The following CPVL variants were observed in gnomAD, a reference collection of about 807,000 sequenced individuals.
CPVL encodes the protein carboxypeptidase vitellogenic like, also known as probable serine carboxypeptidase CPVL.
A neutral mutation model predicts 63.7 loss-of-function variants in CPVL; 51 were observed. The ratio of observed to expected loss-of-function variants is 0.80; its 90% CI spans 0.64 to 1.01. The LOEUF is 1.01. CPVL is among the 50% of genes least tolerant of loss of function. The pLI, the probability that CPVL is intolerant of heterozygous loss-of-function variation, is 0.00. For missense variants in CPVL, 530 were observed against 573.1 expected (o/e 0.92, Z 0.77); for synonymous variants, 195 against 206.0 (o/e 0.95, Z 0.46).
chr7:29,025,012 G>T (rs1787353375), intron 12 of CPVL, among the ~76,000 whole-genome samples: 1 of 152,080 alleles, frequency 6.6e-6, no homozygotes, highest in African/African-American at 2.4e-5. Flanking sequence ...CGGAACAAAG[G>T]ATATATAAAA....
chr7:29,080,963 C>T (rs975370983), intron 7 of CPVL, among the ~76,000 whole-genome samples: 1 of 152,224 alleles, frequency 6.6e-6, no homozygotes, highest in Non-Finnish European at 1.5e-5. Context: ...GTTTTAACCA[C>T]ATGCCCTGCT....
intron 1 of CPVL, among the ~76,000 whole-genome samples, chr7:29,121,506 A>G (rs182014080): frequency 6.8e-4 from 104 of 152,310 alleles, no homozygotes; most frequent in African/African-American, 2.4e-3. Context: ...AGGATTAGAT[A>G]AAGACTCAGA....
intron 5 of CPVL, among the ~76,000 whole-genome samples, chr7:29,166,550 G>A (rs1258286297): frequency 6.6e-6 from 1 of 152,018 alleles, no homozygotes; most frequent in African/African-American, 2.4e-5. Context: ...AATAGCTATT[G>A]AGCTATCCAG....
At chr7:29,157,103 T>G (rs1304714204) in intron 5 of CPVL, among the ~76,000 whole-genome samples, 1 of 152,194 alleles carries the variant, frequency 6.6e-6, no homozygotes, top group African/African-American at 2.4e-5. Flanking sequence ...AAAGGCTTGA[T>G]GATTGCTGAA....
intron 11 of CPVL, among the ~76,000 whole-genome samples, chr7:29,047,810 T>C (rs997177178): frequency 2.0e-5 from 3 of 152,104 alleles, no homozygotes; most frequent in Non-Finnish European, 4.4e-5. Flanking sequence ...AGGTAACCTA[T>C]AAAGGAAAAC....
chr7:29,165,490 GTCT>G (rs1795795834), intron 5 of CPVL, among the ~76,000 whole-genome samples: 1 of 151,952 alleles, frequency 6.6e-6, no homozygotes, highest in South Asian at 2.1e-4. Context: ...CAGTCATGTT[GTCT>G]GTTAATAGAG....
intron 12 of CPVL, among the ~76,000 whole-genome samples, chr7:29,022,675 G>A (rs141157710): frequency 6.6e-6 from 1 of 152,216 alleles, no homozygotes; most frequent in Non-Finnish European, 1.5e-5. Context: ...TGGGGGCCTG[G>A]GAATTGATCA....
intron 3 of CPVL, among the ~76,000 whole-genome samples, chr7:29,108,034 T>C (rs1404868582): frequency 6.6e-6 from 1 of 152,246 alleles, no homozygotes; most frequent in Non-Finnish European, 1.5e-5. Context: ...CTGATCATCC[T>C]AGTATCTGAT....
intron 6 of CPVL, 102 bp downstream of exon 6, chr7:29,092,521 T>C: frequency 1.3e-6 from 1 of 759,494 alleles, no homozygotes. Flanking sequence ...AATTGGACTA[T>C]AAGGCTCAGT....
intron 11 of CPVL, among the ~76,000 whole-genome samples, chr7:29,062,318 A>G (rs1192495445): frequency 6.6e-6 from 1 of 152,082 alleles, no homozygotes; most frequent in Non-Finnish European, 1.5e-5. Flanking sequence ...CTCAGAGGAG[A>G]GGACAAACAG....
chr7:29,120,655 T>C (rs552113995), intron 2 of CPVL, among the ~76,000 whole-genome samples: 59 of 151,638 alleles, frequency 3.9e-4, no homozygotes, highest in African/African-American at 1.3e-3. Context: ...AACCCCTCTC[T>C]ACTAAAAATA....
intron 1 of CPVL, among the ~76,000 whole-genome samples, chr7:29,136,842 C>A (rs1269824059): frequency 1.3e-5 from 2 of 152,192 alleles, no homozygotes; most frequent in Non-Finnish European, 2.9e-5. Context: ...CCCATCAACT[C>A]AAGTACTAAA....
At chr7:29,063,847 C>T (rs1341769340) in intron 11 of CPVL, among the ~76,000 whole-genome samples, 2 of 151,660 alleles carry the variant, frequency 1.3e-5, no homozygotes, top group East Asian at 3.9e-4. Flanking sequence ...ACTGGGATTA[C>T]AGGTATAAGT....
intron 4 of CPVL, among the ~76,000 whole-genome samples, chr7:29,181,990 A>G (rs1798113971): frequency 6.6e-6 from 1 of 152,230 alleles, no homozygotes; most frequent in Admixed American, 6.5e-5. Context: ...TAAGCAAAAC[A>G]TCTTAAATAA....
intron 1 of CPVL, among the ~76,000 whole-genome samples, chr7:29,129,119 G>A (rs185013872): frequency 1.1e-4 from 16 of 152,290 alleles, no homozygotes; most frequent in African/African-American, 3.9e-4. Flanking sequence ...TAGGCTTAAG[G>A]AGAATCAGGA....
At chr7:29,172,460 A>G (rs1796727110) in intron 5 of CPVL, among the ~76,000 whole-genome samples, 1 of 152,186 alleles carries the variant, frequency 6.6e-6, no homozygotes, top group South Asian at 2.1e-4. Context: ...CCACCCATTT[A>G]TCATCCAAAA....
At chr7:29,107,777 C>G (rs1342248017) in intron 3 of CPVL, among the ~76,000 whole-genome samples, 1 of 152,204 alleles carries the variant, frequency 6.6e-6, no homozygotes. Flanking sequence ...TTGGGAATTC[C>G]TGTCCTCTTC....
At chr7:29,150,067 T>C (rs1450705368), upstream of CPVL, among the ~76,000 whole-genome samples, 1 of 152,238 alleles carries the variant, frequency 6.6e-6, no homozygotes, top group Non-Finnish European at 1.5e-5. Context: ...CCTTCTTTGA[T>C]TGGCTTTCCT....
rs12113604 is a variant in CPVL at position 29,110,418 on chromosome 7, G to A, written c.288+2286C>T. 8.4e-3 allele frequency among the ~76,000 whole-genome samples: 1,278 copies of A among 152,282 alleles called. 18 individuals are homozygous for A. Among genetic ancestry groups the A allele is most frequent in the African/African-American group, 0.029 (1,203 of 41,542 alleles). ...TAGGCATTTCTTTCTGGTAAAAGGCGTGTTGGTCACTTTTCAGCCAGGAGC... is the reference window on the plus strand; with the variant it reads ...TAGGCATTTCTTTCTGGTAAAAGGCATGTTGGTCACTTTTCAGCCAGGAGC... On this transcript the variant is annotated intron_variant, in intron 3 of 12. Coordinates refer to ENST00000265394, the MANE Select transcript of CPVL (RefSeq NM_031311.5).
Sources: gnomAD v4.1 joint callset for allele counts (sites outside exome capture counted in the v4.1 genomes callset) on GRCh38, gnomAD v4.1.1 for gene constraint, MANE v1.5 for transcripts, NCBI Gene and HGNC (gene_info 2026-07-23, HGNC 2026-07-21) for gene names.